TAF3: variants seen among roughly 807,000 people sequenced by gnomAD.
TAF3 encodes TATA-box binding protein associated factor 3.
Under a neutral mutation model 80.6 loss-of-function variants are expected in TAF3, and 7 were observed. That is an observed-to-expected ratio of 0.09 (90% CI 0.05 to 0.16). The LOEUF is 0.16. Ranked by LOEUF, TAF3 falls within the 10% of genes least tolerant of loss-of-function variation. TAF3 has a pLI of 1.00. For missense variants in TAF3, 921 were observed against 1,140.2 expected, an observed-to-expected ratio of 0.81 and a Z score of 2.77; for synonymous variants, 444 against 446.1, an observed-to-expected ratio of 1.00 and a Z score of 0.06.
intron 2 of TAF3, among the ~76,000 whole-genome samples, chr10:7,867,978 A>C (rs759322394): frequency 6.6e-6 from 1 of 152,216 alleles, no homozygotes; most frequent in African/African-American, 2.4e-5. Flanking sequence ...TAAGAAAATC[A>C]TAAGGAAGAG....
At chr10:7,998,895 A>G (rs759316113) in intron 4 of TAF3, among the ~76,000 whole-genome samples, 1 of 152,126 alleles carries the variant, frequency 6.6e-6, no homozygotes, top group Non-Finnish European at 1.5e-5. Flanking sequence ...AGGGCACTGG[A>G]AAAGAGTCAG....
chr10:7,839,775 T>C (rs1375549019), intron 2 of TAF3, among the ~76,000 whole-genome samples: 2 of 152,238 alleles, frequency 1.3e-5, no homozygotes, highest in East Asian at 1.9e-4. Flanking sequence ...TCCTCAGGAA[T>C]GATTTTTTAC....
At chr10:7,935,782 T>C (rs75580058) in intron 2 of TAF3, among the ~76,000 whole-genome samples, 1,697 of 152,254 alleles carry the variant, frequency 0.011, 33 homozygotes, top group African/African-American at 0.038. Context: ...ATTCCAGGCC[T>C]TGAGGCTGAA....
chr10:7,961,652 T>C (rs140333033), intron 2 of TAF3, among the ~76,000 whole-genome samples: 2 of 152,220 alleles, frequency 1.3e-5, no homozygotes, highest in Admixed American at 6.5e-5. Context: ...TCAACAACAC[T>C]CTTTCTCTCA....
rs935833944 is a variant in TAF3 at position 7,954,586 on chromosome 10, T to C, written c.410-9334T>C. Among the ~76,000 whole-genome samples the C allele has an allele frequency of 5.8e-5, 8 of 137,720 alleles. 1 individual carries two copies. The highest frequency in any genetic ancestry group is 1.1e-4 in the Non-Finnish European group (7 of 63,222). 90.3% of individuals were successfully genotyped at this position (137,720 alleles called of 152,430 possible). ...CTCCATAGTGAGATTTAGAGTGCAC[T>C]CCATAGGTGAATGAATGAATTAGTC... is the stretch of plus-strand genomic sequence containing the variant. On this transcript the variant is annotated intron_variant, in intron 2 of 6. Transcript: ENST00000344293.
At chr10:7,863,694 T>TATATATATACACACAC (rs1837176835) in intron 2 of TAF3, among the ~76,000 whole-genome samples, 2 of 34,614 alleles carry the variant, frequency 5.8e-5, no homozygotes, top group Non-Finnish European at 5.4e-5. Context: ...TACACACACA[T>TATATATATACACACAC]ATATATATAT....
At chr10:7,917,167 A>G (rs1371562133) in intron 2 of TAF3, among the ~76,000 whole-genome samples, 1 of 152,254 alleles carries the variant, frequency 6.6e-6, no homozygotes, top group African/African-American at 2.4e-5. Flanking sequence ...GGAGACAGAC[A>G]ATATAAAAGT....
rs542970415 is a variant in TAF3, at chr10:7,825,116, C to G, written c.409+556C>G. Reference sequence around the variant, plus strand: ...ATGGTCAGTCCAATTGCAGAGTTCCCTTTTTTCCTGCATAATTTTAGATGT... The same window carrying G: ...ATGGTCAGTCCAATTGCAGAGTTCCGTTTTTTCCTGCATAATTTTAGATGT... On this transcript the variant is annotated intron_variant, in intron 2 of 6. Coordinates refer to ENST00000344293, the MANE Select transcript of TAF3 (RefSeq NM_031923.4). Among the ~76,000 whole-genome samples, 231 of 152,218 alleles carry G rather than the reference C, an allele frequency of 1.5e-3. 1 individual carries two copies. The highest frequency in any genetic ancestry group is 5.4e-3 in the African/African-American group (225 of 41,540).
At chr10:7,896,416 GAGGCTTTTC>G (rs1837504695) in intron 2 of TAF3, among the ~76,000 whole-genome samples, 1 of 152,156 alleles carries the variant, frequency 6.6e-6, no homozygotes, top group Non-Finnish European at 1.5e-5. Context: ...AGGACAGGAG[GAGGCTTTTC>G]AACTTTGTCT....
intron 2 of TAF3, among the ~76,000 whole-genome samples, chr10:7,864,180 A>G (rs1037331966): frequency 6.6e-6 from 1 of 152,210 alleles, no homozygotes. Flanking sequence ...ACCTGCCATT[A>G]TAACATCATA....
Position 8,005,159 on chromosome 10 carries a change from A to G in TAF3, c.2316-3919A>G, listed in dbSNP as rs528653078. On this transcript the variant is annotated intron_variant, in intron 4 of 6. Transcript: ENST00000344293. ...ATATTTCTAGCCTTTGCCTTTTATT[A>G]TTTTTTTAACATTGTAAGCAAAGTT... Among the ~76,000 whole-genome samples the G allele has an allele frequency of 1.2e-3, 187 of 152,008 alleles. 1 individual carries two copies. Among genetic ancestry groups the G allele is most frequent in the Non-Finnish European group, 2.3e-3 (154 of 67,948 alleles).
At chr10:7,882,362 G>T (rs1272828917) in intron 2 of TAF3, among the ~76,000 whole-genome samples, 1 of 152,094 alleles carries the variant, frequency 6.6e-6, no homozygotes, top group East Asian at 1.9e-4. Flanking sequence ...CTCTCAATAG[G>T]ATCTTAGAGG....
In TAF3 at chr10:8,010,220, T is replaced by C. The variant is rs191302429; in HGVS notation, c.2568+890T>C. ...CCATGCCCAGCCAAGATGCATTTCT[T>C]CATTGCAGTTTTTCACTGCATTTTC... is the stretch of plus-strand genomic sequence containing the variant. On this transcript the variant is annotated intron_variant, in intron 5 of 6. Coordinates refer to ENST00000344293, the MANE Select transcript of TAF3 (RefSeq NM_031923.4). 1.2e-3 allele frequency among the ~76,000 whole-genome samples: 176 copies of C among 152,344 alleles called. 3 individuals carry two copies. Among genetic ancestry groups the C allele is most frequent in the Admixed American group, 7.2e-4 (11 of 15,306 alleles).
intron 2 of TAF3, among the ~76,000 whole-genome samples, chr10:7,892,955 G>A (rs950088901): frequency 5.9e-5 from 9 of 151,836 alleles, no homozygotes; most frequent in African/African-American, 2.2e-4. Context: ...GAGTAGCTGA[G>A]ATTATAGGCA....
intron 4 of TAF3, among the ~76,000 whole-genome samples, chr10:8,000,332 G>T (rs752412164): frequency 3.9e-5 from 6 of 152,066 alleles, no homozygotes; most frequent in Non-Finnish European, 7.4e-5. Context: ...GGCCAGGCTG[G>T]TCTCGAACTC....
At chr10:7,876,587 A>G (rs746299340) in intron 2 of TAF3, among the ~76,000 whole-genome samples, 25 of 152,174 alleles carry the variant, frequency 1.6e-4, no homozygotes, top group Admixed American at 6.6e-4. Context: ...AGTCTTACCT[A>G]TTCCTGTAGG....
intron 4 of TAF3, 110 bp downstream of exon 4, chr10:7,977,433 G>T: frequency 1.1e-6 from 1 of 909,870 alleles, no homozygotes; most frequent in African/African-American, 1.6e-5. Context: ...GAACCTGTAG[G>T]GTCAAGCTTT....
intron 4 of TAF3, among the ~76,000 whole-genome samples, chr10:7,991,124 G>A (rs930703862): frequency 6.6e-6 from 1 of 151,864 alleles, no homozygotes; most frequent in Non-Finnish European, 1.5e-5. Flanking sequence ...GTCTCGTCTT[G>A]CCTCAGAGAA....
rs575914269 is a variant in TAF3 at position 8,005,293 on chromosome 10, T to A, written c.2316-3785T>A. Among the ~76,000 whole-genome samples, 6 of 152,388 alleles carry A rather than the reference T, an allele frequency of 3.9e-5. No homozygotes were observed. In the South Asian group the frequency reaches 1.2e-3, roughly 32 times the overall value. ...CCTTACTTCCTCATAGATTTGATTA[T>A]CTTTGATTATGTGCTGCTTATTTTT... On this transcript the variant is annotated intron_variant, in intron 4 of 6. Transcript: ENST00000344293.
Sources: allele counts gnomAD v4.1 joint callset (sites outside exome capture counted in the v4.1 genomes callset), GRCh38; gene constraint gnomAD v4.1.1; transcripts MANE v1.5; gene names NCBI Gene and HGNC (gene_info 2026-07-23, HGNC 2026-07-21).